LRP1B: variants seen among roughly 807,000 people sequenced by gnomAD.
LRP1B encodes LDL receptor related protein 1B.
LRP1B carries 217 observed loss-of-function variants against 556.6 expected under a neutral mutation model. The ratio of observed to expected loss-of-function variants is 0.39; its 90% CI spans 0.35 to 0.44. LRP1B has a LOEUF of 0.44. Ranked by LOEUF, LRP1B falls within the 20% of genes least tolerant of loss-of-function variation. The probability of loss-of-function intolerance (pLI) is 1.00; values close to 1 mark genes in which losing one functional copy is unlikely to be tolerated. For missense variants in LRP1B, 5,053 were observed against 5,620.8 expected, an observed-to-expected ratio of 0.90 and a Z score of 3.23; for synonymous variants, 2,047 against 1,865.8, an observed-to-expected ratio of 1.10 and a Z score of -2.50.
At chr2:140,565,138 T>C (rs1681078013) in intron 43 of LRP1B, among the ~76,000 whole-genome samples, 1 of 141,676 alleles carries the variant, frequency 7.1e-6, no homozygotes, top group African/African-American at 2.5e-5. Context: ...TACTCCATAT[T>C]CCTCTAATTG....
intron 3 of LRP1B, among the ~76,000 whole-genome samples, chr2:141,361,587 G>A (rs1559029415): frequency 6.6e-6 from 1 of 152,020 alleles, no homozygotes; most frequent in African/African-American, 2.4e-5. Context: ...TCTCAGTATT[G>A]GAAATCATAC....
chr2:141,039,060 C>T (rs531810909), intron 11 of LRP1B, among the ~76,000 whole-genome samples: 25 of 152,144 alleles, frequency 1.6e-4, no homozygotes, highest in African/African-American at 5.5e-4. Flanking sequence ...GTAAACAACT[C>T]ATAAGTTTTA....
Position 141,768,634 on chromosome 2 carries a change from G to T in LRP1B, c.205+41645C>A, listed in dbSNP as rs1341676965. Among the ~76,000 whole-genome samples the T allele has an allele frequency of 3.3e-5, 5 of 152,006 alleles. No homozygotes were observed. The South Asian group carries it at 1.0e-3, about 32-fold the overall frequency. Reference sequence around the variant, plus strand: ...TATGCTCAAACAGTTGGCTTTGTCTGCCCAGAGGAAAAATCAAATTGAGTA... The same window carrying T: ...TATGCTCAAACAGTTGGCTTTGTCTTCCCAGAGGAAAAATCAAATTGAGTA... On this transcript the variant is annotated intron_variant, in intron 2 of 90. Transcript: ENST00000389484.
At chr2:141,345,234 C>T (rs537868565) in intron 3 of LRP1B, among the ~76,000 whole-genome samples, 1 of 151,564 alleles carries the variant, frequency 6.6e-6, no homozygotes, top group South Asian at 2.1e-4. Flanking sequence ...CACACCAATA[C>T]TGCCCACTTG....
In LRP1B at chr2:140,475,154, T is replaced by C; in HGVS notation, c.9609A>G (p.Gly3203=). Residue 3203 remains glycine (G), a synonymous_variant, in exon 60 of 91, where the codon GGA becomes GGG. Coordinates refer to ENST00000389484, the MANE Select transcript of LRP1B (RefSeq NM_018557.3). ...ENHIEFSNMD[G]SHRHKVPNQD... ...TGGACCAACCTTTGTGTCTATGAGA[T>C]CCATCCATGTTGCTAAATTCAATGT... is the stretch of plus-strand genomic sequence containing the variant. 6.3e-7 allele frequency: 1 copy of C among 1,590,462 alleles called. No homozygotes were observed. Among genetic ancestry groups the C allele is most frequent in the Non-Finnish European group, 8.6e-7 (1 of 1,167,484 alleles).
At chr2:140,315,260 G>T (rs1684471446) in intron 82 of LRP1B, among the ~76,000 whole-genome samples, 161 bp from the exon 83 acceptor site, 1 of 152,034 alleles carries the variant, frequency 6.6e-6, no homozygotes. Flanking sequence ...TCTGAAAACA[G>T]ATAGATTCTG....
intron 1 of LRP1B, among the ~76,000 whole-genome samples, chr2:141,890,913 T>C (rs16847562): frequency 0.064 from 9,809 of 152,144 alleles, 379 homozygotes; most frequent in Middle Eastern, 0.12. Flanking sequence ...GGCTATGGGA[T>C]TTTCTCTGCA....
chr2:140,870,856 TTA>T (rs1193368864), intron 25 of LRP1B, among the ~76,000 whole-genome samples: 3 of 152,218 alleles, frequency 2.0e-5, no homozygotes, highest in East Asian at 1.9e-4. Flanking sequence ...TAAAAAAAAT[TTA>T]TGTCTATTTA....
At chr2:141,935,581 A>G (rs909791098) in intron 1 of LRP1B, among the ~76,000 whole-genome samples, 2 of 152,186 alleles carry the variant, frequency 1.3e-5, no homozygotes, top group African/African-American at 2.4e-5. Flanking sequence ...AAAGTAGAAT[A>G]ATTAAATCTA....
intron 1 of LRP1B, among the ~76,000 whole-genome samples, chr2:142,040,120 T>C (rs1348846723): frequency 1.3e-5 from 2 of 151,462 alleles, no homozygotes; most frequent in Non-Finnish European, 3.0e-5. Context: ...TGAAATGAGA[T>C]TGGATTAGAA....
At chr2:140,931,599 T>G (rs1209727769) in intron 20 of LRP1B, among the ~76,000 whole-genome samples, 3 of 152,164 alleles carry the variant, frequency 2.0e-5, no homozygotes, top group African/African-American at 4.8e-5. Flanking sequence ...AGTTAAATTA[T>G]CTTTAGTGTT....
intron 41 of LRP1B, among the ~76,000 whole-genome samples, chr2:140,649,052 C>A (rs1012132633): frequency 1.3e-5 from 2 of 152,196 alleles, no homozygotes; most frequent in Middle Eastern, 3.4e-3. Context: ...TTGACCTCCT[C>A]AACCCTTTGT....
chr2:141,831,943 T>G (rs1159777975), intron 1 of LRP1B, among the ~76,000 whole-genome samples: 2 of 151,676 alleles, frequency 1.3e-5, no homozygotes, highest in Non-Finnish European at 3.0e-5. Flanking sequence ...TTCTCGTTTT[T>G]TTCTCTAGTT....
intron 3 of LRP1B, among the ~76,000 whole-genome samples, chr2:141,359,200 C>T (rs1008885433): frequency 3.2e-5 from 4 of 123,632 alleles, no homozygotes; most frequent in Non-Finnish European, 7.0e-5. Context: ...CAAGAAATTA[C>T]AAACATAACC....
intron 2 of LRP1B, among the ~76,000 whole-genome samples, chr2:141,681,710 G>C (rs1574235696): frequency 6.6e-6 from 1 of 152,120 alleles, no homozygotes; most frequent in Non-Finnish European, 1.5e-5. Flanking sequence ...ATACTTGATA[G>C]AGTCACTAAG....
chr2:141,144,935 T>C (rs891494393), intron 7 of LRP1B, among the ~76,000 whole-genome samples: 2 of 152,226 alleles, frequency 1.3e-5, no homozygotes, highest in Non-Finnish European at 2.9e-5. Context: ...GTTCTCAGGC[T>C]AATGTTTCCA....
intron 60 of LRP1B, among the ~76,000 whole-genome samples, chr2:140,469,619 T>C (rs1016076018): frequency 6.6e-6 from 1 of 152,226 alleles, no homozygotes; most frequent in South Asian, 2.1e-4. Flanking sequence ...TTTCCTCATA[T>C]ATTATGCAAT....
intron 1 of LRP1B, among the ~76,000 whole-genome samples, chr2:141,862,433 T>C (rs1698277140): frequency 6.6e-6 from 1 of 152,068 alleles, no homozygotes; most frequent in African/African-American, 2.4e-5. Context: ...AAAAAAAATA[T>C]ATATGCATAT....
intron 1 of LRP1B, among the ~76,000 whole-genome samples, chr2:142,060,667 C>T (rs1319573361): frequency 1.3e-5 from 2 of 152,002 alleles, no homozygotes; most frequent in Non-Finnish European, 1.5e-5. Context: ...AATGTGAATT[C>T]ATGTGGTTAC....
Sources: gnomAD v4.1 joint callset for allele counts (sites outside exome capture counted in the v4.1 genomes callset) on GRCh38, gnomAD v4.1.1 for gene constraint, MANE v1.5 for transcripts, NCBI Gene and HGNC (gene_info 2026-07-23, HGNC 2026-07-21) for gene names.